The following HS3ST4 variants were observed in gnomAD, a reference collection of about 807,000 sequenced individuals.
HS3ST4 encodes the protein heparan sulfate glucosamine 3-O-sulfotransferase 4.
A neutral mutation model predicts 29.2 loss-of-function variants in HS3ST4; 17 were observed. The ratio of observed to expected loss-of-function variants is 0.58; its 90% CI spans 0.40 to 0.87. The LOEUF is 0.87. HS3ST4 is among the 40% of genes least tolerant of loss of function. The probability of loss-of-function intolerance (pLI) is 0.00; values close to 1 mark genes in which losing one functional copy is unlikely to be tolerated. For missense variants in HS3ST4, 627 were observed against 634.5 expected (o/e 0.99, Z 0.13); for synonymous variants, 314 against 285.7 (o/e 1.10, Z -1.00).
At chr16:25,703,487 G>A (rs569164010) in intron 1 of HS3ST4, among the ~76,000 whole-genome samples, 62 of 152,238 alleles carry the variant, frequency 4.1e-4, no homozygotes, top group Admixed American at 1.0e-3. Context: ...TAAGTCACTC[G>A]CTCAAACTGT....
chr16:25,692,509 C>G lies in HS3ST4; in HGVS notation c.92C>G (p.Pro31Arg), dbSNP rs1346216341. 2.1e-6 allele frequency: 3 copies of G among 1,419,102 alleles called. No homozygotes were observed. Among genetic ancestry groups the G allele is most frequent in the East Asian group, 6.4e-5 (2 of 31,070 alleles). 87.9% of individuals were successfully genotyped at this position (1,419,102 alleles called of 1,614,324 possible). A position where few individuals can be genotyped will look rare whatever the true frequency, so the allele number is the denominator to read the frequency against. ...CCCGGCGCCTCTGCTAAGGGGCCGCCGGCGCGCAAGCTGCTTTTTATGTGC... is the reference window on the plus strand; with the variant it reads ...CCCGGCGCCTCTGCTAAGGGGCCGCGGGCGCGCAAGCTGCTTTTTATGTGC... ...PPPGASAKGP[P>R]ARKLLFMCTL... The change falls in exon 1 of 2, where the codon CCG becomes CGG. Residue 31 changes from proline to arginine, a missense_variant. Pro to Arg is a moderately radical substitution (Grantham distance 103, BLOSUM62 -2). Around this residue, in one of 2 missense-constraint regions of HS3ST4, gnomAD observed 402 missense variants for 340.8 expected, o/e 1.18. Transcript: ENST00000331351.
rs1198199502 is a variant in HS3ST4 at position 25,733,501 on chromosome 16, A to G, written c.734+40350A>G. Among the ~76,000 whole-genome samples the G allele has an allele frequency of 2.0e-5, 3 of 152,166 alleles. No homozygotes were observed. In the South Asian group the frequency reaches 6.2e-4, roughly 32 times the overall value. On this transcript the variant is annotated intron_variant, in intron 1 of 1. Transcript: ENST00000331351. ...GAGTGAGACTCTGTAAAATGACTCA[A>G]TTATCTTGGTTCAGAAGGAAGGAAC...
At chr16:25,985,778 T>G (rs1969056216) in intron 1 of HS3ST4, among the ~76,000 whole-genome samples, 1 of 152,160 alleles carries the variant, frequency 6.6e-6, no homozygotes, top group African/African-American at 2.4e-5. Flanking sequence ...CCTCAACCGC[T>G]GGGCTCAAGT....
At chr16:25,762,876 CAAAAA>C (rs67260535) in intron 1 of HS3ST4, among the ~76,000 whole-genome samples, 3,017 of 60,452 alleles carry the variant, frequency 0.05, 121 homozygotes, top group African/African-American at 0.17. Context: ...GACCCTGTCT[CAAAAA>C]AAAAAAAAAA....
chr16:25,713,960 C>T (rs1966434682), intron 1 of HS3ST4, among the ~76,000 whole-genome samples: 1 of 152,048 alleles, frequency 6.6e-6, no homozygotes, highest in Admixed American at 6.5e-5. Flanking sequence ...GGCATCCCCA[C>T]CCCCCAGCCC....
chr16:26,080,877 G>A (rs1266778151), intron 1 of HS3ST4, among the ~76,000 whole-genome samples: 1 of 152,148 alleles, frequency 6.6e-6, no homozygotes, highest in Non-Finnish European at 1.5e-5. Flanking sequence ...CCTGGGTGGT[G>A]GATTGGATCA....
rs115501015 is a variant in HS3ST4, at chr16:25,990,075, G to A, written c.735-145537G>A. 5.5e-3 allele frequency among the ~76,000 whole-genome samples: 832 copies of A among 152,234 alleles called. 5 individuals are homozygous for A. Among genetic ancestry groups the A allele is most frequent in the African/African-American group, 0.019 (808 of 41,532 alleles). On this transcript the variant is annotated intron_variant, in intron 1 of 1. Transcript: ENST00000331351. ...GCATCTTTTACTTGGTTATATACAC[G>A]TAAGGTTTCTCCATGTCTTCTCAGC...
At position 26,040,924 on chromosome 16, in the gene HS3ST4, G is replaced by A. The variant is rs117953321; in HGVS notation, c.735-94688G>A. 6.4e-3 allele frequency among the ~76,000 whole-genome samples: 976 copies of A among 152,150 alleles called. 3 individuals are homozygous for A. Among genetic ancestry groups the A allele is most frequent in the Non-Finnish European group, 0.01 (710 of 68,004 alleles). ...ATCTCTGTTTTGCAGATAAGCAGCC[G>A]AGATGGAAACTACCTAGGCTGTCCA... On this transcript the variant is annotated intron_variant, in intron 1 of 1. Coordinates refer to ENST00000331351, the MANE Select transcript of HS3ST4 (RefSeq NM_006040.3).
chr16:25,787,434 T>C (rs753606980), intron 1 of HS3ST4, among the ~76,000 whole-genome samples: 3 of 152,228 alleles, frequency 2.0e-5, no homozygotes, highest in Non-Finnish European at 2.9e-5. Context: ...ACTGGGCTTG[T>C]GCTGGCTTTC....
intron 1 of HS3ST4, among the ~76,000 whole-genome samples, chr16:25,994,903 CT>C (rs1210883449): frequency 6.6e-6 from 1 of 152,148 alleles, no homozygotes; most frequent in East Asian, 1.9e-4. Context: ...ATGGATTTTT[CT>C]TTTCACTTCA....
chr16:25,870,058 G>A (rs76570195), intron 1 of HS3ST4, among the ~76,000 whole-genome samples: 6,686 of 151,784 alleles, frequency 0.044, 456 homozygotes, highest in African/African-American at 0.15. Context: ...CTCACTCAGC[G>A]CCATCATTCA....
intron 1 of HS3ST4, among the ~76,000 whole-genome samples, chr16:26,070,001 G>A (rs1000163345): frequency 2.0e-5 from 3 of 152,112 alleles, no homozygotes; most frequent in African/African-American, 2.4e-5. Context: ...ATTGCGAATA[G>A]TGCCATAATA....
chr16:25,962,533 C>T (rs767829988), intron 1 of HS3ST4, among the ~76,000 whole-genome samples: 1 of 152,140 alleles, frequency 6.6e-6, no homozygotes, highest in Non-Finnish European at 1.5e-5. Flanking sequence ...ATATTTGTGC[C>T]TAACCACAGT....
At chr16:25,968,944 C>T (rs1200872138) in intron 1 of HS3ST4, among the ~76,000 whole-genome samples, 2 of 152,084 alleles carry the variant, frequency 1.3e-5, no homozygotes, top group Non-Finnish European at 1.5e-5. Flanking sequence ...GTCAACCTCC[C>T]GAGTAGCTGG....
intron 1 of HS3ST4, among the ~76,000 whole-genome samples, chr16:25,894,886 C>T (rs1429645508): frequency 2.6e-5 from 4 of 152,092 alleles, no homozygotes; most frequent in Non-Finnish European, 5.9e-5. Flanking sequence ...CTATGGAATG[C>T]GTTATGTTTA....
At chr16:26,095,178 C>T (rs1251715879) in intron 1 of HS3ST4, among the ~76,000 whole-genome samples, 1 of 152,146 alleles carries the variant, frequency 6.6e-6, no homozygotes, top group Non-Finnish European at 1.5e-5. Flanking sequence ...GAGACTTTAA[C>T]ACCCCACTGT....
At chr16:25,751,239 C>T (rs573157887) in intron 1 of HS3ST4, among the ~76,000 whole-genome samples, 6 of 152,232 alleles carry the variant, frequency 3.9e-5, no homozygotes, top group African/African-American at 1.4e-4. Flanking sequence ...AATATTTCCT[C>T]TGAAAGTGCG....
At chr16:26,119,771 G>A (rs930714808) in intron 1 of HS3ST4, among the ~76,000 whole-genome samples, 1 of 152,082 alleles carries the variant, frequency 6.6e-6, no homozygotes, top group African/African-American at 2.4e-5. Context: ...GGCACTATGT[G>A]GCATGCTGGG....
intron 1 of HS3ST4, among the ~76,000 whole-genome samples, chr16:25,955,362 A>G (rs1383282512): frequency 3.3e-5 from 5 of 152,202 alleles, no homozygotes; most frequent in African/African-American, 1.2e-4. Context: ...GTTGCTTTAT[A>G]GCCTTCAGAA....
Sources: gnomAD v4.1 joint callset for allele counts (sites outside exome capture counted in the v4.1 genomes callset) on GRCh38, gnomAD v4.1.1 for gene constraint, gnomAD v4.1.1 regional missense constraint, MANE v1.5 for transcripts, NCBI Gene and HGNC (gene_info 2026-07-23, HGNC 2026-07-21) for gene names.